The following DPH6 variants were observed in gnomAD, a reference collection of about 807,000 sequenced individuals.
DPH6 encodes the protein diphthine--ammonia ligase.
A neutral mutation model predicts 38.2 loss-of-function variants in DPH6; 33 were observed. That is an observed-to-expected ratio of 0.86 (90% confidence interval 0.65 to 1.15). DPH6 has a LOEUF of 1.15. Ranked by LOEUF, DPH6 falls within the 50% of genes most tolerant of loss-of-function variation. The pLI is 0.00. For missense variants in DPH6, 325 were observed against 320.0 expected, an observed-to-expected ratio of 1.02 and a Z score of -0.12; for synonymous variants, 108 against 103.0, an observed-to-expected ratio of 1.05 and a Z score of -0.30.
intron 3 of DPH6, among the ~76,000 whole-genome samples, chr15:35,490,463 T>C (rs1434004857): frequency 6.6e-6 from 1 of 152,202 alleles, no homozygotes; most frequent in Non-Finnish European, 1.5e-5. Flanking sequence ...CAAATTTCTT[T>C]AGGTCCATGA....
intron 3 of DPH6, among the ~76,000 whole-genome samples, chr15:35,232,184 G>A (rs2051522494): frequency 6.6e-6 from 1 of 152,166 alleles, no homozygotes; most frequent in African/African-American, 2.4e-5. Flanking sequence ...GAGATTTAGT[G>A]TCTTTGGATG....
At chr15:35,410,608 T>C (rs936321738) in intron 6 of DPH6, among the ~76,000 whole-genome samples, 3 of 151,752 alleles carry the variant, frequency 2.0e-5, no homozygotes, top group Middle Eastern at 3.2e-3. Context: ...GACAGACTAA[T>C]TTCTTCTTAG....
intron 5 of DPH6, among the ~76,000 whole-genome samples, chr15:35,415,259 T>G (rs913980401): frequency 6.6e-6 from 1 of 151,700 alleles, no homozygotes; most frequent in Non-Finnish European, 1.5e-5. Context: ...TGTGTGTGTG[T>G]GTGTGTAACA....
rs539553902 is a variant in DPH6, at chr15:35,225,650, C to A, written n.201-5068G>T. 9.9e-5 allele frequency among the ~76,000 whole-genome samples: 15 copies of A among 152,178 alleles called. No individual in the cohort carries two copies. The South Asian group carries it at 3.1e-3, about 32-fold the overall frequency. ...TCTCTGCCCCAGATACAGAATCAGCCATTTCTTCAAAAAGTCCAGATTTTT... is the reference window on the plus strand; with the variant it reads ...TCTCTGCCCCAGATACAGAATCAGCAATTTCTTCAAAAAGTCCAGATTTTT... On this transcript the variant is annotated intron_variant and non_coding_transcript_variant, in intron 3 of 3. Coordinates refer to the DPH6 transcript ENST00000560386.
At chr15:35,169,636 T>G in the DPH6 span, 2 of 152,122 alleles carry the variant, frequency 1.3e-5, no homozygotes, top group Non-Finnish European at 2.9e-5. Context: ...TTACTATCCA[T>G]GAAGGAGGCA....
At chr15:35,273,236 G>A (rs1242861177) in intron 3 of DPH6, among the ~76,000 whole-genome samples, 1 of 151,786 alleles carries the variant, frequency 6.6e-6, no homozygotes, top group Non-Finnish European at 1.5e-5. Flanking sequence ...TGAGATTTTT[G>A]TGCACCCATC....
At chr15:35,467,058 AT>A (rs1278211534) in intron 3 of DPH6, among the ~76,000 whole-genome samples, 4 of 152,128 alleles carry the variant, frequency 2.6e-5, no homozygotes, top group South Asian at 4.1e-4. Context: ...TAAAAAAAAA[AT>A]CTTCCTTAAA....
At chr15:35,197,302 T>A in the DPH6 span, among the ~76,000 whole-genome samples, 2 of 152,208 alleles carry the variant, frequency 1.3e-5, no homozygotes, top group Non-Finnish European at 2.9e-5. Context: ...ATGTCAACAT[T>A]GCCTTTCATA....
intron 3 of DPH6, among the ~76,000 whole-genome samples, chr15:35,468,669 TG>T (rs2054158419): frequency 6.6e-6 from 1 of 150,828 alleles, no homozygotes; most frequent in South Asian, 2.1e-4. Context: ...TCAGAGGTTA[TG>T]GGGCACGTAA....
At position 35,544,948 on chromosome 15, in the gene DPH6, T is replaced by C. The variant is rs115779791; in HGVS notation, c.23+1171A>G. Among the ~76,000 whole-genome samples the C allele has an allele frequency of 2.7e-3, 415 of 152,336 alleles. 2 individuals carry two copies. The highest frequency in any genetic ancestry group is 9.7e-3 in the African/African-American group (402 of 41,568). On this transcript the variant is annotated intron_variant, in intron 1 of 8. Transcript: ENST00000256538. ...ACACAATGGTTAAAGCTTAATCATT[T>C]ATGTTACAGAGGACATTTACTGAAC...
intron 3 of DPH6, among the ~76,000 whole-genome samples, chr15:35,350,626 G>A (rs2052502721): frequency 6.6e-6 from 1 of 152,038 alleles, no homozygotes; most frequent in African/African-American, 2.4e-5. Flanking sequence ...GTTTGGCTAT[G>A]TTCTGTTTTC....
At chr15:35,423,445 A>C (rs1451841627) in intron 5 of DPH6, among the ~76,000 whole-genome samples, 1 of 151,552 alleles carries the variant, frequency 6.6e-6, no homozygotes, top group Non-Finnish European at 1.5e-5. Flanking sequence ...TTAAATGTTA[A>C]CTCCTTAACA....
the DPH6 span, among the ~76,000 whole-genome samples, chr15:35,164,090 A>G: frequency 6.6e-6 from 1 of 151,836 alleles, no homozygotes; most frequent in African/African-American, 2.4e-5. Context: ...AGTTTTATAA[A>G]ATATGCTGCA....
chr15:35,542,945 A>AATATATATATAT (rs67141062), intron 1 of DPH6, among the ~76,000 whole-genome samples: 380 of 30,214 alleles, frequency 0.013, 38 homozygotes, highest in African/African-American at 0.025. Flanking sequence ...CCACTTAAGG[A>AATATATATATAT]ATATATATAT....
intron 3 of DPH6, among the ~76,000 whole-genome samples, chr15:35,475,042 TTCACCCCTGCA>T (rs2054247639): frequency 1.3e-5 from 2 of 151,850 alleles, no homozygotes; most frequent in South Asian, 4.2e-4. Context: ...CTCCTCAGAC[TTCACCCCTGCA>T]TCTGAATAAT....
At chr15:35,541,048 A>G (rs2055246027) in intron 2 of DPH6, among the ~76,000 whole-genome samples, 1 of 152,052 alleles carries the variant, frequency 6.6e-6, no homozygotes, top group Non-Finnish European at 1.5e-5. Context: ...TTCATCCTCA[A>G]AGAATTTTCT....
At position 35,370,994 on chromosome 15, in the gene DPH6, T is replaced by G. The variant is rs1221780643; in HGVS notation, c.*1156A>C. On this transcript the variant is annotated 3_prime_UTR_variant, in exon 9 of 9. Transcript: ENST00000256538. ...TGTGGTAGAACCAGACAATAAAATT[T>G]TATTCTACACTAAAAAAAAAATGAG... The G allele has an allele frequency of 6.6e-6, 1 of 151,498 alleles. No homozygotes were observed. 9.4% of individuals were successfully genotyped at this position (151,498 alleles called of 1,614,324 possible). A position where few individuals can be genotyped will look rare whatever the true frequency, so the allele number is the denominator to read the frequency against.
At chr15:35,237,183 G>T in intron 3 of DPH6, 1 of 641,494 alleles carries the variant, frequency 1.6e-6, no homozygotes, top group South Asian at 1.9e-5. Flanking sequence ...TTAAAAGAAT[G>T]ACCATTGAGG....
intron 3 of DPH6, among the ~76,000 whole-genome samples, chr15:35,353,007 T>A (rs952326315): frequency 6.6e-6 from 1 of 152,242 alleles, no homozygotes; most frequent in African/African-American, 2.4e-5. Context: ...ATTGTGGTTT[T>A]GATTTGCATT....
Sources: allele counts gnomAD v4.1 joint callset (sites outside exome capture counted in the v4.1 genomes callset), GRCh38; gene constraint gnomAD v4.1.1; transcripts MANE v1.5; gene names NCBI Gene and HGNC (gene_info 2026-07-23, HGNC 2026-07-21).